PCSK2: variants seen among roughly 807,000 people sequenced by gnomAD.
PCSK2 encodes neuroendocrine convertase 2.
A neutral mutation model predicts 69.7 loss-of-function variants in PCSK2; 14 were observed. The ratio of observed to expected loss-of-function variants is 0.20; its 90% confidence interval spans 0.13 to 0.31. The LOEUF is 0.31. PCSK2 is among the 10% of genes least tolerant of loss of function. The probability of loss-of-function intolerance (pLI) is 1.00; values close to 1 mark genes in which losing one functional copy is unlikely to be tolerated. For synonymous variants in PCSK2, 307 were observed against 320.7 expected, an observed-to-expected ratio of 0.96 and a Z score of 0.46; for missense variants, 544 against 842.5, an observed-to-expected ratio of 0.65 and a Z score of 4.39.
At chr20:17,419,131 C>T (rs1261985150) in intron 6 of PCSK2, among the ~76,000 whole-genome samples, 2 of 152,240 alleles carry the variant, frequency 1.3e-5, no homozygotes, top group African/African-American at 2.4e-5. Flanking sequence ...CATCTCATAC[C>T]CTCTGCATTT....
chr20:17,356,393 A>G (rs2030197182), intron 2 of PCSK2, among the ~76,000 whole-genome samples: 2 of 151,952 alleles, frequency 1.3e-5, no homozygotes, highest in Admixed American at 6.6e-5. Context: ...ACATGTATAG[A>G]TTTTCTGGTG....
At chr20:17,239,008 A>T (rs1986449302) in intron 1 of PCSK2, among the ~76,000 whole-genome samples, 1 of 152,226 alleles carries the variant, frequency 6.6e-6, no homozygotes, top group Admixed American at 6.5e-5. Context: ...GTCTCATGAG[A>T]TGGTGCAATC....
At chr20:17,235,213 G>C (rs1032132765) in intron 1 of PCSK2, among the ~76,000 whole-genome samples, 16 of 152,148 alleles carry the variant, frequency 1.1e-4, no homozygotes, top group African/African-American at 3.9e-4. Context: ...AAAAATAATT[G>C]AATAAAACAA....
chr20:17,417,138 C>T (rs1216837601), intron 6 of PCSK2, among the ~76,000 whole-genome samples: 3 of 152,034 alleles, frequency 2.0e-5, no homozygotes, highest in Non-Finnish European at 2.9e-5. Context: ...CAAACCTGCA[C>T]GTTGTGCACG....
chr20:17,279,018 G>T (rs377225705), intron 2 of PCSK2, among the ~76,000 whole-genome samples: 3 of 152,136 alleles, frequency 2.0e-5, no homozygotes, highest in South Asian at 2.1e-4. Flanking sequence ...TTGACTTCAC[G>T]ATGTAGTGGT....
At chr20:17,230,981 T>C (rs113328613) in intron 1 of PCSK2, among the ~76,000 whole-genome samples, 1 of 152,198 alleles carries the variant, frequency 6.6e-6, no homozygotes, top group South Asian at 2.1e-4. Context: ...TTTACAGTAA[T>C]GACAAAAGCA....
At chr20:17,459,108 G>A (rs2032971628) in intron 10 of PCSK2, among the ~76,000 whole-genome samples, 1 of 152,166 alleles carries the variant, frequency 6.6e-6, no homozygotes, top group Non-Finnish European at 1.5e-5. Flanking sequence ...GATTTTTAAT[G>A]TAAACTCTTT....
intron 11 of PCSK2, among the ~76,000 whole-genome samples, chr20:17,471,020 T>C (rs2033190663): frequency 6.6e-6 from 1 of 152,196 alleles, no homozygotes; most frequent in African/African-American, 2.4e-5. Flanking sequence ...TACGTGTCAA[T>C]ACCAGGCTAT....
At chr20:17,408,643 G>T (rs1409698894) in intron 5 of PCSK2, among the ~76,000 whole-genome samples, 2 of 152,178 alleles carry the variant, frequency 1.3e-5, no homozygotes, top group Non-Finnish European at 2.9e-5. Context: ...ATAAGGGCAG[G>T]GATGCCACCA....
At position 17,337,118 on chromosome 20, in the gene PCSK2, C is replaced by G. The variant is rs551595427; in HGVS notation, c.283-21209C>G. On this transcript the variant is annotated intron_variant, in intron 2 of 11. Transcript: ENST00000262545. ...GTTCCCTCAGGGAGCCAAAGGGCAG[C>G]AGATTGGAAATCACTCGCAATTCAC... Among the ~76,000 whole-genome samples the G allele has an allele frequency of 8.5e-5, 13 of 152,238 alleles. No homozygotes were observed. In the South Asian group the frequency reaches 2.7e-3, roughly 32 times the overall value.
At chr20:17,226,592 A>T (rs1256755308), upstream of PCSK2, among the ~76,000 whole-genome samples, 1 of 151,794 alleles carries the variant, frequency 6.6e-6, no homozygotes, top group East Asian at 2.0e-4. Flanking sequence ...GAAGAGGCAC[A>T]GAGGCCGGCG....
In PCSK2 at chr20:17,320,341, G is replaced by A. The variant is rs534247029; in HGVS notation, c.283-37986G>A. Among the ~76,000 whole-genome samples, 5 of 152,240 alleles carry A rather than the reference G, an allele frequency of 3.3e-5. No homozygotes were observed. The South Asian group carries it at 6.2e-4, about 19-fold the overall frequency. ...CTTAGGGAGACTCGTTCCCTTGGTC[G>A]CAAGACACATCCTCCTGGAATCAGT... On this transcript the variant is annotated intron_variant, in intron 2 of 11. Coordinates refer to ENST00000262545, the MANE Select transcript of PCSK2 (RefSeq NM_002594.5).
intron 2 of PCSK2, among the ~76,000 whole-genome samples, chr20:17,344,937 A>C (rs1161940863): frequency 2.4e-5 from 2 of 82,474 alleles, no homozygotes; most frequent in Non-Finnish European, 5.0e-5. Context: ...TTTTCCATAA[A>C]CTCCTGTTCC....
rs372262494 is a variant in PCSK2, at chr20:17,375,042, G to A, written c.543+5765G>A. ...TCTTTGAACCTTAATTTTTTCATCC[G>A]TGAAATGGGCAAAATGGATGTCTTG... On this transcript the variant is annotated intron_variant, in intron 5 of 11. Coordinates refer to ENST00000262545, the MANE Select transcript of PCSK2 (RefSeq NM_002594.5). Among the ~76,000 whole-genome samples, 56 of 152,248 alleles carry A rather than the reference G, an allele frequency of 3.7e-4. No homozygotes were observed. In the South Asian group the frequency reaches 9.5e-3, roughly 26 times the overall value.
intron 2 of PCSK2, among the ~76,000 whole-genome samples, chr20:17,317,968 G>A (rs1989741068): frequency 6.6e-6 from 1 of 152,108 alleles, no homozygotes; most frequent in African/African-American, 2.4e-5. Context: ...ATAGAAAAAA[G>A]GTTTGCCTGA....
chr20:17,340,163 G>T (rs1990469508), intron 2 of PCSK2, among the ~76,000 whole-genome samples: 1 of 152,208 alleles, frequency 6.6e-6, no homozygotes. Flanking sequence ...AGCTTTTAGA[G>T]TAAACACACA....
chr20:17,360,448 A>G (rs1371074282), intron 3 of PCSK2, 84 bp from the exon 4 acceptor site: 3 of 775,424 alleles, frequency 3.9e-6, no homozygotes, highest in Admixed American at 4.7e-5. Flanking sequence ...TTAGATGGCT[A>G]TAGAGTATGT....
chr20:17,300,028 G>A (rs1301566171), intron 2 of PCSK2, among the ~76,000 whole-genome samples: 2 of 152,236 alleles, frequency 1.3e-5, no homozygotes, highest in Admixed American at 1.3e-4. Flanking sequence ...ACAGTTGAGA[G>A]ATTGCTGTCC....
chr20:17,471,781 C>G (rs1434920776), intron 11 of PCSK2, among the ~76,000 whole-genome samples: 1 of 152,186 alleles, frequency 6.6e-6, no homozygotes, highest in Middle Eastern at 3.2e-3. Context: ...TGGAGAGCAG[C>G]CCCAGGGCTG....
Sources: allele counts gnomAD v4.1 joint callset (sites outside exome capture counted in the v4.1 genomes callset), GRCh38; gene constraint gnomAD v4.1.1; transcripts MANE v1.5; gene names NCBI Gene and HGNC (gene_info 2026-07-23, HGNC 2026-07-21).